VPS13C: variants seen among roughly 807,000 people sequenced by gnomAD.
VPS13C encodes the protein vacuolar protein sorting 13 homolog C.
In VPS13C, 358 loss-of-function variants were observed where a neutral mutation model predicts 456.8. The ratio of observed to expected loss-of-function variants is 0.78; its 90% confidence interval spans 0.72 to 0.86. VPS13C has a LOEUF of 0.86. Among genes scored for constraint, VPS13C ranks in the 40% least tolerant of loss-of-function variants. VPS13C has a pLI of 0.00. For synonymous variants in VPS13C, 1,578 were observed against 1,486.7 expected (o/e 1.06, Z -1.41); for missense variants, 4,818 against 4,385.4 (o/e 1.10, Z -2.79).
chr15:62,019,395 A>G (rs771389084), intron 9 of VPS13C, among the ~76,000 whole-genome samples: 1 of 152,022 alleles, frequency 6.6e-6, no homozygotes, highest in East Asian at 1.9e-4. Context: ...TGTCAATTTT[A>G]GATCCTTCCT....
chr15:62,054,623 G>T lies in VPS13C; in HGVS notation c.100+5652C>A, dbSNP rs534688612. Among the ~76,000 whole-genome samples, 12 of 152,036 alleles carry T rather than the reference G, an allele frequency of 7.9e-5. No homozygotes were observed. The East Asian group carries it at 2.3e-3, about 29-fold the overall frequency. ...TATTAGGACAAATACATAATGCAGG[G>T]CTTAAAACCTAGATGACAGGTTGAT... On this transcript the variant is annotated intron_variant, in intron 1 of 84. Coordinates refer to ENST00000644861, the MANE Select transcript of VPS13C (RefSeq NM_020821.3).
At chr15:62,052,381 G>T (rs925364889) in intron 1 of VPS13C, among the ~76,000 whole-genome samples, 3 of 152,024 alleles carry the variant, frequency 2.0e-5, no homozygotes, top group African/African-American at 7.2e-5. Flanking sequence ...TTATGTTTTA[G>T]TAAAGAATAC....
At chr15:61,876,127 T>C (rs1895405960) in intron 75 of VPS13C, among the ~76,000 whole-genome samples, 1 of 151,946 alleles carries the variant, frequency 6.6e-6, no homozygotes, top group Non-Finnish European at 1.5e-5. Flanking sequence ...CAGCCTGTCT[T>C]CTAATCTATA....
rs1018420310 is a variant in VPS13C, at chr15:61,868,020, A to G, written c.10863+639T>C. The G allele has an allele frequency of 9.0e-6, 9 of 1,004,956 alleles. No homozygotes were observed. The African/African-American group carries it at 1.3e-4, about 14-fold the overall frequency. The allele number at this position is 1,004,956 out of a possible 1,614,324, so 62.3% of individuals were successfully genotyped here. ...AGATAGATAAAACGTAATCATATAC[A>G]ATAAAAACCAAAGGAAGAACAATTA... is the stretch of plus-strand genomic sequence containing the variant. On this transcript the variant is annotated intron_variant, in intron 81 of 84. Coordinates refer to ENST00000644861, the MANE Select transcript of VPS13C (RefSeq NM_020821.3).
chr15:61,951,024 T>C lies in VPS13C; in HGVS notation c.4457A>G (p.Asp1486Gly). 1 of 1,576,566 alleles carries C rather than the reference T, an allele frequency of 6.3e-7. No individual in the cohort carries two copies. The highest frequency in any genetic ancestry group is 8.6e-7 in the Non-Finnish European group (1 of 1,162,990). Residue 1486 changes from aspartate (D) to glycine (G), a missense_variant and splice_region_variant, in exon 40 of 85, where the codon GAC becomes GGC. Physicochemically the swap from Asp to Gly is moderately conservative, Grantham distance 94. Transcript: ENST00000644861. ...AATGTGAAGAGGTTCCCCTTTAGAG[T>C]CTAAAAGAGAAAAAAGACAAAGTTG... ...KISMQCFDFT[D>G]SKGEPLHIIN... is the part of the protein sequence containing the mutation.
chr15:61,883,421 C>G (rs1877190556), intron 68 of VPS13C, among the ~76,000 whole-genome samples: 1 of 152,024 alleles, frequency 6.6e-6, no homozygotes, highest in Non-Finnish European at 1.5e-5. Flanking sequence ...AGTTTTTTAT[C>G]ATTTAAGTAT....
At chr15:61,997,363 T>C (rs2046423494) in intron 16 of VPS13C, among the ~76,000 whole-genome samples, 2 of 152,184 alleles carry the variant, frequency 1.3e-5, no homozygotes, top group African/African-American at 2.4e-5. Context: ...TCTCCTCTTC[T>C]CTAGCTATTC....
At chr15:61,940,869 G>C (rs1255071536) in intron 46 of VPS13C, 75 bp from the exon 47 acceptor site, 1 of 1,407,650 alleles carries the variant, frequency 7.1e-7, no homozygotes, top group African/African-American at 1.4e-5. Flanking sequence ...TTGTGTAACA[G>C]TTTCCACACA....
chr15:62,005,569 G>C (rs1168962758), intron 15 of VPS13C, among the ~76,000 whole-genome samples: 1 of 150,992 alleles, frequency 6.6e-6, no homozygotes, highest in Non-Finnish European at 1.5e-5. Flanking sequence ...TACGATGTTA[G>C]CTGGTGATTT....
At chr15:62,037,473 T>C (rs1190309596) in intron 3 of VPS13C, among the ~76,000 whole-genome samples, 1 of 109,564 alleles carries the variant, frequency 9.1e-6, no homozygotes, top group Non-Finnish European at 1.7e-5. Flanking sequence ...ATATAATAAA[T>C]TTATTATATT....
At chr15:61,998,545 C>T (rs1320419103) in intron 16 of VPS13C, among the ~76,000 whole-genome samples, 1 of 152,134 alleles carries the variant, frequency 6.6e-6, no homozygotes, top group Non-Finnish European at 1.5e-5. Flanking sequence ...GACATAGGTA[C>T]TACTAATTAA....
At chr15:62,036,317 A>G (rs1208512362) in intron 3 of VPS13C, among the ~76,000 whole-genome samples, 1 of 152,040 alleles carries the variant, frequency 6.6e-6, no homozygotes, top group East Asian at 1.9e-4. Flanking sequence ...CTCAAAGTTC[A>G]AAGAACTGAA....
At chr15:62,026,242 A>C (rs2140603368) in intron 6 of VPS13C, among the ~76,000 whole-genome samples, 1 of 151,800 alleles carries the variant, frequency 6.6e-6, no homozygotes, top group South Asian at 2.1e-4. Flanking sequence ...TTTTCATACA[A>C]ATCAAAATCA....
chr15:62,002,702 T>C (rs77733495), intron 15 of VPS13C, among the ~76,000 whole-genome samples: 87,230 of 150,822 alleles, frequency 0.58, 25,323 homozygotes, highest in Admixed American at 0.64. Context: ...TTGTATAAGG[T>C]GTAAGGAAGG....
In VPS13C at chr15:61,960,339, G is replaced by T. The variant is rs558025825; in HGVS notation, c.3909-744C>A. ...TCCAAAATAAATTTCTGTCAGTACAGAAATCTTCCTCAATAGTACAGAATA... is the reference window on the plus strand; with the variant it reads ...TCCAAAATAAATTTCTGTCAGTACATAAATCTTCCTCAATAGTACAGAATA... On this transcript the variant is annotated intron_variant, in intron 35 of 84. Coordinates refer to ENST00000644861, the MANE Select transcript of VPS13C (RefSeq NM_020821.3). Among the ~76,000 whole-genome samples the T allele has an allele frequency of 2.0e-5, 3 of 152,252 alleles. No homozygotes were observed. In the South Asian group the frequency reaches 6.2e-4, roughly 32 times the overall value.
chr15:62,013,091 T>G lies in VPS13C; in HGVS notation c.773A>C (p.Tyr258Ser), dbSNP rs1410556703. 6.2e-7 allele frequency: 1 copy of G among 1,610,680 alleles called. No individual in the cohort carries two copies. The highest frequency in any genetic ancestry group is 1.7e-5 in the Admixed American group (1 of 59,708). Reference sequence around the variant, plus strand: ...AGACATGCTGCAATTTACATTCCAGTAGGCGCTAAGACTATCAAGTCGTAT... The same window carrying G: ...AGACATGCTGCAATTTACATTCCAGGAGGCGCTAAGACTATCAAGTCGTAT... ...KLIRLDSLSA[Y>S]WNVNCSMSYQ... The change falls in exon 11 of 85, where the codon TAC becomes TCC. Residue 258 changes from tyrosine to serine, a missense_variant. This residue lies in a region of VPS13C where 4,552 missense variants were observed against 4,130.6 expected (regional missense o/e 1.10). Transcript: ENST00000644861.
chr15:61,917,654 G>A lies in VPS13C; in HGVS notation c.7761-19C>T. Reference sequence around the variant, plus strand: ...TTGACATCTGCAGAAAGAGGAAACAGTGACAATAAAGTTTTGATCCACAAC... The same window carrying A: ...TTGACATCTGCAGAAAGAGGAAACAATGACAATAAAGTTTTGATCCACAAC... On this transcript the variant is annotated intron_variant, in intron 59 of 84. Coordinates refer to ENST00000644861, the MANE Select transcript of VPS13C (RefSeq NM_020821.3). 6.2e-7 allele frequency: 1 copy of A among 1,600,926 alleles called. No homozygotes were observed. Among genetic ancestry groups the A allele is most frequent in the Non-Finnish European group, 8.5e-7 (1 of 1,171,380 alleles).
intron 16 of VPS13C, among the ~76,000 whole-genome samples, chr15:61,992,921 A>G: frequency 6.6e-6 from 1 of 152,250 alleles, no homozygotes; most frequent in South Asian, 2.1e-4. Flanking sequence ...GCCAAGGTTC[A>G]GAACCACTGA....
intron 81 of VPS13C, chr15:61,864,701 T>C (rs1894422665): frequency 1.0e-6 from 1 of 985,410 alleles, no homozygotes; most frequent in Admixed American, 6.2e-5. Context: ...CACAAAGAAC[T>C]GGGATCTCAT....
Sources: gnomAD v4.1 joint callset for allele counts (sites outside exome capture counted in the v4.1 genomes callset) on GRCh38, gnomAD v4.1.1 for gene constraint, gnomAD v4.1.1 regional missense constraint, MANE v1.5 for transcripts, NCBI Gene and HGNC (gene_info 2026-07-23, HGNC 2026-07-21) for gene names.